RASSF5: variants seen among roughly 807,000 people sequenced by gnomAD.
RASSF5 encodes Ras association domain family member 5, also known as ras association domain-containing protein 5.
RASSF5 carries 25 observed loss-of-function variants against 40.5 expected under a neutral mutation model. The ratio of observed to expected loss-of-function variants is 0.62; its 90% CI spans 0.45 to 0.86. The LOEUF (loss-of-function observed/expected upper bound fraction) is 0.86. Ranked by LOEUF, RASSF5 falls within the 40% of genes least tolerant of loss-of-function variation. The pLI, the probability that RASSF5 is intolerant of heterozygous loss-of-function variation, is 0.00. For missense variants in RASSF5, 521 were observed against 572.8 expected, an observed-to-expected ratio of 0.91 and a Z score of 0.92; for synonymous variants, 246 against 252.4, an observed-to-expected ratio of 0.97 and a Z score of 0.24.
intron 1 of RASSF5, among the ~76,000 whole-genome samples, chr1:206,522,703 C>T (rs1666939853): frequency 6.6e-6 from 1 of 152,120 alleles, no homozygotes; most frequent in Non-Finnish European, 1.5e-5. Flanking sequence ...CTGGCCATCA[C>T]TGTCATCAAC....
At chr1:206,528,017 C>T (rs1667140867) in intron 1 of RASSF5, among the ~76,000 whole-genome samples, 1 of 152,128 alleles carries the variant, frequency 6.6e-6, no homozygotes, top group Non-Finnish European at 1.5e-5. Flanking sequence ...AAACTTATGT[C>T]CACAAAATAA....
At chr1:206,548,055 T>C (rs557183273) in intron 2 of RASSF5, among the ~76,000 whole-genome samples, 1 of 152,206 alleles carries the variant, frequency 6.6e-6, no homozygotes, top group Non-Finnish European at 1.5e-5. Context: ...TGGCACTTTT[T>C]TTCTTTCATT....
intron 2 of RASSF5, among the ~76,000 whole-genome samples, chr1:206,558,998 G>C (rs1252781412): frequency 6.6e-6 from 1 of 152,184 alleles, no homozygotes; most frequent in African/African-American, 2.4e-5. Context: ...ACTCCAGCTA[G>C]CTAGGTATTT....
At chr1:206,540,499 C>T (rs963919035) in intron 2 of RASSF5, among the ~76,000 whole-genome samples, 28 of 152,244 alleles carry the variant, frequency 1.8e-4, no homozygotes, top group African/African-American at 6.5e-4. Flanking sequence ...CTGAACCGCC[C>T]CCAGTGGGCA....
At position 206,584,889 on chromosome 1, in the gene RASSF5, A is replaced by T; in HGVS notation, c.988+205A>T. On this transcript the variant is annotated intron_variant, in intron 4 of 5. Coordinates refer to ENST00000579436, the MANE Select transcript of RASSF5 (RefSeq NM_182663.4). This position sits in a 1 kb window ranked among gnomAD's most constrained non-coding sequence, Gnocchi z 4.9. ...CTGACTCTGCATGTGACTTCAGGAA[A>T]ACCACACCCTAGGCTCCCATTTCCT... 1 of 611,460 alleles carries T rather than the reference A, an allele frequency of 1.6e-6. No individual in the cohort carries two copies. The allele number at this position is 611,460 out of a possible 1,614,324, so 37.9% of individuals were successfully genotyped here.
intron 1 of RASSF5, among the ~76,000 whole-genome samples, chr1:206,518,886 C>A (rs1666831902): frequency 6.6e-6 from 1 of 150,870 alleles, no homozygotes; most frequent in Non-Finnish European, 1.5e-5. Context: ...TCTCGGATGG[C>A]CACTGTTTTC....
intron 2 of RASSF5, among the ~76,000 whole-genome samples, chr1:206,566,472 C>A (rs2103547021): frequency 6.6e-6 from 1 of 152,332 alleles, no homozygotes; most frequent in South Asian, 2.1e-4. Context: ...CATCTCCAGG[C>A]TCTCCCCCAT....
At position 206,585,225 on chromosome 1, in the gene RASSF5, G is replaced by A. The variant is rs782213884; in HGVS notation, c.1034G>A (p.Arg345His). 8.1e-6 allele frequency: 13 copies of A among 1,613,996 alleles called. No homozygotes were observed. The highest frequency in any genetic ancestry group is 2.2e-5 in the East Asian group (1 of 44,886). ...LSIADRPLYL[R>H]LLAGPDTEVL... Reference sequence around the variant, plus strand: ...ATTGCTGACCGCCCCCTCTACCTGCGCCTGCTTGCTGGGCCTGACACGGAG... The same window carrying A: ...ATTGCTGACCGCCCCCTCTACCTGCACCTGCTTGCTGGGCCTGACACGGAG... The change falls in exon 5 of 6, where the codon CGC becomes CAC. Residue 345 changes from arginine (R) to histidine (H), a missense_variant. Around this residue, in one of 2 missense-constraint regions of RASSF5, gnomAD observed 284 missense variants for 360.8 expected, o/e 0.79. Coordinates refer to ENST00000579436, the MANE Select transcript of RASSF5 (RefSeq NM_182663.4).
chr1:206,520,546 G>A (rs1448173672), intron 1 of RASSF5, among the ~76,000 whole-genome samples: 3 of 149,866 alleles, frequency 2.0e-5, no homozygotes, highest in Non-Finnish European at 4.4e-5. Context: ...GGCGGAGGTT[G>A]CAGTAAGCCA....
chr1:206,550,855 G>T (rs1217877991), intron 2 of RASSF5, among the ~76,000 whole-genome samples: 1 of 152,136 alleles, frequency 6.6e-6, no homozygotes, highest in Non-Finnish European at 1.5e-5. Flanking sequence ...CTCCAAAATG[G>T]GGATTTTGTG....
chr1:206,554,310 T>C (rs988447099), intron 2 of RASSF5, among the ~76,000 whole-genome samples: 3 of 152,236 alleles, frequency 2.0e-5, no homozygotes, highest in Non-Finnish European at 4.4e-5. Context: ...AGCTCCTGAC[T>C]TCCAGTCCTG....
At chr1:206,582,260 C>CAA (rs1668919177) in intron 2 of RASSF5, among the ~76,000 whole-genome samples, 1 of 152,164 alleles carries the variant, frequency 6.6e-6, no homozygotes, top group Non-Finnish European at 1.5e-5. Context: ...CCATTGACCT[C>CAA]AATCTCCTCA....
intron 1 of RASSF5, among the ~76,000 whole-genome samples, chr1:206,532,433 T>C (rs2103518526): frequency 6.6e-6 from 1 of 152,270 alleles, no homozygotes; most frequent in South Asian, 2.1e-4. Context: ...ACAGAGCTAA[T>C]TGAGCGGGGC....
At chr1:206,512,174 G>A (rs1666634984) in intron 1 of RASSF5, among the ~76,000 whole-genome samples, 1 of 152,078 alleles carries the variant, frequency 6.6e-6, no homozygotes, top group Admixed American at 6.6e-5. Context: ...CCACTCCCAA[G>A]CCCTCTCCTA....
At chr1:206,516,075 C>T (rs1183314422) in intron 1 of RASSF5, among the ~76,000 whole-genome samples, 1 of 152,106 alleles carries the variant, frequency 6.6e-6, no homozygotes, top group African/African-American at 2.4e-5. Context: ...ATATTGTACC[C>T]CAGCAAGTAA....
At chr1:206,545,143 T>A (rs1341390368) in intron 2 of RASSF5, among the ~76,000 whole-genome samples, 1 of 152,192 alleles carries the variant, frequency 6.6e-6, no homozygotes, top group East Asian at 1.9e-4. Context: ...TCAACACATG[T>A]TAATTGAACT....
At position 206,552,069 on chromosome 1, in the gene RASSF5, A is replaced by C. The variant is rs1005904119; in HGVS notation, c.579+13776A>C. On this transcript the variant is annotated intron_variant, in intron 2 of 5. Coordinates refer to ENST00000579436, the MANE Select transcript of RASSF5 (RefSeq NM_182663.4). The surrounding 1 kb of genome is among the most constrained non-coding windows in gnomAD (Gnocchi z 4.1). ...CTGGGGTAACTCAGCTATCTTCAGT[A>C]GGTTCAGTGTCAAGGCCTATCGAAG... 9.9e-5 allele frequency among the ~76,000 whole-genome samples: 15 copies of C among 152,202 alleles called. No homozygotes were observed. Among genetic ancestry groups the C allele is most frequent in the Admixed American group, 3.3e-4 (5 of 15,286 alleles).
chr1:206,530,117 A>C (rs1361078566), intron 1 of RASSF5, among the ~76,000 whole-genome samples: 1 of 152,144 alleles, frequency 6.6e-6, no homozygotes, highest in African/African-American at 2.4e-5. Context: ...ATTAGTAAAG[A>C]ATATATTTCC....
At chr1:206,542,411 C>A (rs1553399499) in intron 2 of RASSF5, 1 of 152,214 alleles carries the variant, frequency 6.6e-6, no homozygotes, top group African/African-American at 2.4e-5. Flanking sequence ...CTCCCCCTTC[C>A]CCTTCTACCA....
Sources: allele counts gnomAD v4.1 joint callset (sites outside exome capture counted in the v4.1 genomes callset), GRCh38; gene constraint gnomAD v4.1.1; regional missense constraint gnomAD v4.1.1; non-coding constraint Gnocchi (gnomAD v3.1); transcripts MANE v1.5; gene names NCBI Gene and HGNC (gene_info 2026-07-23, HGNC 2026-07-21).